Variants in ZNF638 observed in about 807,000 individuals in gnomAD.
ZNF638 encodes the protein zinc finger protein 638.
Under a neutral mutation model 195.6 loss-of-function variants are expected in ZNF638, and 46 were observed. The observed-to-expected ratio is 0.24, with a 90% CI of 0.19 to 0.30. ZNF638 has a LOEUF of 0.30. Ranked by LOEUF, ZNF638 falls within the 10% of genes least tolerant of loss-of-function variation. The pLI is 1.00. For missense variants in ZNF638, 2,440 were observed against 2,325.3 expected (o/e 1.05, Z -1.01); for synonymous variants, 845 against 772.0 (o/e 1.09, Z -1.57).
At position 71,349,438 on chromosome 2, in the gene ZNF638, G is replaced by A; in HGVS notation, c.484G>A (p.Asp162Asn). 1 of 1,614,130 alleles carries A rather than the reference G, an allele frequency of 6.2e-7. No homozygotes were observed. The highest frequency in any genetic ancestry group is 1.1e-5 in the South Asian group (1 of 91,074). Residue 162 changes from aspartate to asparagine, a missense_variant, in exon 2 of 28, where the codon GAT becomes AAT. Around this residue, in one of 5 missense-constraint regions of ZNF638, gnomAD observed 24 missense variants for 53.1 expected, o/e 0.45. Coordinates refer to ENST00000264447, the MANE Select transcript of ZNF638 (RefSeq NM_014497.5). ...CCTAGAAGAACTTAGTCGCTATCCTGATGAACAACTAACTCCTGAAAATAT... is the reference window on the plus strand; with the variant it reads ...CCTAGAAGAACTTAGTCGCTATCCTAATGAACAACTAACTCCTGAAAATAT... ...EDLEELSRYP[D>N]EQLTPENMPL...
chr2:71,345,469 G>A (rs984996184), intron 1 of ZNF638, among the ~76,000 whole-genome samples: 4 of 152,282 alleles, frequency 2.6e-5, no homozygotes, highest in Admixed American at 6.5e-5. Flanking sequence ...ACAGCTCAGT[G>A]CAGCCTTGAC....
chr2:71,385,713 T>TA (rs2079623454), intron 10 of ZNF638, among the ~76,000 whole-genome samples: 1 of 152,224 alleles, frequency 6.6e-6, no homozygotes, highest in Admixed American at 6.5e-5. Context: ...GTACTACAGT[T>TA]ATGCAAAGTG....
At chr2:71,406,718 T>G (rs747270889) in intron 19 of ZNF638, among the ~76,000 whole-genome samples, 2 of 152,114 alleles carry the variant, frequency 1.3e-5, no homozygotes, top group Admixed American at 6.5e-5. Flanking sequence ...ATAAAATAAT[T>G]GCTGGATGCA....
chr2:71,396,458 T>C (rs932519106), intron 11 of ZNF638, among the ~76,000 whole-genome samples: 2 of 152,240 alleles, frequency 1.3e-5, no homozygotes, highest in African/African-American at 2.4e-5. Context: ...AGGTCTCTCT[T>C]CTTCCTTACT....
At chr2:71,408,446 A>G in intron 20 of ZNF638, 199 bp downstream of exon 20, 1 of 585,758 alleles carries the variant, frequency 1.7e-6, no homozygotes, top group South Asian at 2.5e-5. Flanking sequence ...TCAACAATGT[A>G]ACATATATGC....
At chr2:71,361,486 A>T (rs1435667643) in intron 3 of ZNF638, among the ~76,000 whole-genome samples, 1 of 152,248 alleles carries the variant, frequency 6.6e-6, no homozygotes. Flanking sequence ...TTTGCTTTGA[A>T]TCACTGTAAG....
chr2:71,345,192 T>A (rs2078830289), intron 1 of ZNF638, among the ~76,000 whole-genome samples: 1 of 152,124 alleles, frequency 6.6e-6, no homozygotes, highest in South Asian at 2.1e-4. Context: ...TATGGATATA[T>A]AGGAAAAAAC....
chr2:71,367,533 A>G (rs1162597754), intron 6 of ZNF638, among the ~76,000 whole-genome samples: 1 of 151,286 alleles, frequency 6.6e-6, no homozygotes, highest in Non-Finnish European at 1.5e-5. Context: ...CCCAGGTTCA[A>G]GTGATTCTCC....
chr2:71,345,975 A>G (rs1017649883), intron 1 of ZNF638, among the ~76,000 whole-genome samples: 4 of 152,222 alleles, frequency 2.6e-5, no homozygotes, highest in Non-Finnish European at 4.4e-5. Context: ...TTAACCTTCT[A>G]TAAATGTGTA....
At chr2:71,376,172 G>A (rs2104331240) in intron 8 of ZNF638, 1 of 152,320 alleles carries the variant, frequency 6.6e-6, no homozygotes, top group South Asian at 2.1e-4. Flanking sequence ...CAATGAATAG[G>A]TAAAGAAAAT....
At chr2:71,366,080 G>T (rs1032538049) in intron 6 of ZNF638, among the ~76,000 whole-genome samples, 1 of 152,176 alleles carries the variant, frequency 6.6e-6, no homozygotes, top group African/African-American at 2.4e-5. Context: ...GCCAGGCATG[G>T]TGGCTTATGC....
chr2:71,419,548 A>G (rs2080378812), intron 21 of ZNF638, among the ~76,000 whole-genome samples: 1 of 152,220 alleles, frequency 6.6e-6, no homozygotes, highest in African/African-American at 2.4e-5. Context: ...GTACATTAAA[A>G]TATACCAGTA....
At position 71,427,218 on chromosome 2, in the gene ZNF638, G is replaced by A; in HGVS notation, c.5349G>A (p.Glu1783=). 1 of 1,612,302 alleles carries A rather than the reference G, an allele frequency of 6.2e-7. No individual in the cohort carries two copies. The highest frequency in any genetic ancestry group is 8.5e-7 in the Non-Finnish European group (1 of 1,179,546). ...NFVTVDEVGE[E]EDGDNDLKVE... is the part of the protein sequence containing the mutation. ...TTACTGTTGATGAAGTTGGAGAGGA[G>A]GAAGATGGAGATAATGATTTAAAAG... The change falls in exon 24 of 28, where the codon GAG becomes GAA. Residue 1783 remains glutamate (E), a synonymous_variant. Transcript: ENST00000264447.
intron 10 of ZNF638, chr2:71,388,713 CTG>C (rs1573098893): frequency 1.9e-5 from 22 of 1,188,330 alleles, no homozygotes; most frequent in Non-Finnish European, 2.5e-5. Context: ...GGCGAAGAGA[CTG>C]TGCAGTCAGT....
At chr2:71,396,685 C>G (rs2079900774) in intron 11 of ZNF638, among the ~76,000 whole-genome samples, 2 of 152,170 alleles carry the variant, frequency 1.3e-5, no homozygotes, top group Admixed American at 6.5e-5. Context: ...TGGCTCACGC[C>G]TATAATCCCA....
At chr2:71,393,333 G>A (rs1390531451) in intron 10 of ZNF638, 5 of 703,362 alleles carry the variant, frequency 7.1e-6, no homozygotes, top group South Asian at 1.5e-5. Flanking sequence ...AACGTATGGT[G>A]TAGTCCAAAT....
chr2:71,401,816 A>G, intron 15 of ZNF638, 140 bp from the exon 16 acceptor site: 1 of 683,964 alleles, frequency 1.5e-6, no homozygotes, highest in Non-Finnish European at 2.2e-6. Context: ...TTTGAGGTTC[A>G]GACCAGCCTC....
At position 71,422,997 on chromosome 2, in the gene ZNF638, T is replaced by G. The variant is rs906655126; in HGVS notation, c.3483T>G (p.Ala1161=). 4 of 1,614,036 alleles carry G rather than the reference T, an allele frequency of 2.5e-6. No homozygotes were observed. The Admixed American group carries it at 5.0e-5, about 20-fold the overall frequency. ...AEKATCDSDF[A]VETLELETQG... ...AAGCAACATGTGATTCTGACTTTGCTGTTGAAACTTTGGAGCTTGAAACTC... is the reference window on the plus strand; with the variant it reads ...AAGCAACATGTGATTCTGACTTTGCGGTTGAAACTTTGGAGCTTGAAACTC... Residue 1161 remains alanine (A), a synonymous_variant, in exon 22 of 28, where the codon GCT becomes GCG. Transcript: ENST00000264447.
chr2:71,396,251 C>T (rs1308066222), intron 11 of ZNF638, 60 bp downstream of exon 11: 32 of 1,379,716 alleles, frequency 2.3e-5, no homozygotes, highest in Admixed American at 5.6e-5. Flanking sequence ...ATTTTAAAAT[C>T]GTATGGCAGT....
Sources: gnomAD v4.1 joint callset for allele counts (sites outside exome capture counted in the v4.1 genomes callset) on GRCh38, gnomAD v4.1.1 for gene constraint, gnomAD v4.1.1 regional missense constraint, MANE v1.5 for transcripts, NCBI Gene and HGNC (gene_info 2026-07-23, HGNC 2026-07-21) for gene names.